COX10: variants seen among roughly 807,000 people sequenced by gnomAD.
The protein encoded by COX10 is protoheme IX farnesyltransferase, mitochondrial.
A neutral mutation model predicts 37.3 loss-of-function variants in COX10; 27 were observed. The observed-to-expected ratio is 0.72, with a 90% CI of 0.53 to 1.00. The LOEUF is 1.00. COX10 is among the 50% of genes least tolerant of loss of function. The pLI is 0.00. For missense variants in COX10, 475 were observed against 563.2 expected, an observed-to-expected ratio of 0.84 and a Z score of 1.59; for synonymous variants, 222 against 229.1, an observed-to-expected ratio of 0.97 and a Z score of 0.28.
In COX10 at chr17:14,206,941, C is replaced by T. The variant is rs763980332; in HGVS notation, c.1060C>T (p.Arg354Trp). 20 of 1,613,542 alleles carry T rather than the reference C, an allele frequency of 1.2e-5. No individual in the cohort carries two copies. The highest frequency in any genetic ancestry group is 3.3e-5 in the Admixed American group (2 of 59,966). The change falls in exon 7 of 7, where the codon CGG becomes TGG. Residue 354 changes from arginine to tryptophan, a missense_variant. Arg to Trp is a moderately radical substitution (Grantham distance 101, BLOSUM62 -3). Around this residue, in one of 5 missense-constraint regions of COX10, gnomAD observed 160 missense variants for 180.6 expected, o/e 0.89. Transcript: ENST00000261643. ...GTCGGTCACCCACCCGGGCCTGTGC[C>T]GGCGCGTGGCGCTGCGCCACTGCCT... ...MMSVTHPGLC[R>W]RVALRHCLAL...
intron 4 of COX10, among the ~76,000 whole-genome samples, chr17:14,108,045 A>G (rs1915935401): frequency 6.6e-6 from 1 of 152,176 alleles, no homozygotes; most frequent in Admixed American, 6.6e-5. Context: ...GTATTGCTGT[A>G]TAGTTATTCA....
intron 3 of COX10, among the ~76,000 whole-genome samples, chr17:14,095,744 G>T (rs1713161526): frequency 6.6e-6 from 1 of 152,174 alleles, no homozygotes; most frequent in African/African-American, 2.4e-5. Flanking sequence ...GTTGTTGGTA[G>T]AATTCATTTC....
Position 14,192,157 on chromosome 17 carries a change from A to G in COX10, c.864A>G (p.Gly288=), listed in dbSNP as rs1278237040. 3.1e-6 allele frequency: 5 copies of G among 1,614,090 alleles called. No individual in the cohort carries two copies. Among genetic ancestry groups the G allele is most frequent in the Non-Finnish European group, 4.2e-6 (5 of 1,180,044 alleles). The change falls in exon 6 of 7, where the codon GGA becomes GGG. Residue 288 remains glycine (G), a synonymous_variant. Coordinates refer to ENST00000261643, the MANE Select transcript of COX10 (RefSeq NM_001303.4). ...TCAGCATTGCCAACACATGGGTCGG[A>G]GCTGTGGTTGGGGCCATCCCGCCTG... ...KRISIANTWV[G]AVVGAIPPVM...
chr17:14,159,285 A>G (rs1290703024), intron 4 of COX10, among the ~76,000 whole-genome samples: 1 of 152,214 alleles, frequency 6.6e-6, no homozygotes, highest in Non-Finnish European at 1.5e-5. Context: ...TCAGTAGCCC[A>G]TTCCCCAGGG....
chr17:14,103,986 G>C (rs1915838978), intron 4 of COX10, among the ~76,000 whole-genome samples: 2 of 152,224 alleles, frequency 1.3e-5, no homozygotes, highest in South Asian at 4.1e-4. Context: ...TGGTTTTCCA[G>C]CCCTGCTCCG....
At chr17:14,106,643 C>T (rs1318751744) in intron 4 of COX10, among the ~76,000 whole-genome samples, 5 of 152,152 alleles carry the variant, frequency 3.3e-5, no homozygotes, top group African/African-American at 1.2e-4. Context: ...AAGTGCTCAT[C>T]ATTAATGCCG....
chr17:14,203,979 G>A (rs749917219), intron 6 of COX10, among the ~76,000 whole-genome samples: 1 of 152,102 alleles, frequency 6.6e-6, no homozygotes, highest in African/African-American at 2.4e-5. Context: ...CCAGAGGAGG[G>A]GAAGGAGAAG....
intron 5 of COX10, chr17:14,181,938 C>T: frequency 1.1e-6 from 1 of 950,254 alleles, no homozygotes; most frequent in Non-Finnish European, 1.3e-6. Flanking sequence ...CCACGTACTC[C>T]CCTCTGAATA....
At position 14,155,333 on chromosome 17, in the gene COX10, A is replaced by G. The variant is rs867956336; in HGVS notation, c.625-4544A>G. Among the ~76,000 whole-genome samples the G allele has an allele frequency of 8.3e-3, 1,229 of 148,932 alleles. 13 individuals are homozygous for G. Among genetic ancestry groups the G allele is most frequent in the Middle Eastern group, 0.032 (9 of 284 alleles). ...TGTGATGTTAAAACATCTACATAAA[A>G]AAAAAAAAAAAAACAGCAATCAAGT... On this transcript the variant is annotated intron_variant, in intron 4 of 6. Transcript: ENST00000261643.
intron 4 of COX10, among the ~76,000 whole-genome samples, chr17:14,138,650 G>T (rs1904450780): frequency 6.6e-6 from 1 of 152,128 alleles, no homozygotes; most frequent in Admixed American, 6.6e-5. Flanking sequence ...TGGACGTATG[G>T]TATTCAGACT....
At chr17:14,113,473 G>C (rs1916049156) in intron 4 of COX10, among the ~76,000 whole-genome samples, 1 of 152,070 alleles carries the variant, frequency 6.6e-6, no homozygotes, top group African/African-American at 2.4e-5. Context: ...GCTTTTTTCT[G>C]AAAACGGAAT....
chr17:14,099,938 C>G (rs1386797990), intron 3 of COX10, among the ~76,000 whole-genome samples: 1 of 152,162 alleles, frequency 6.6e-6, no homozygotes, highest in South Asian at 2.1e-4. Context: ...TCATTCCTTT[C>G]CATGTCACCC....
intron 4 of COX10, among the ~76,000 whole-genome samples, chr17:14,127,934 TG>T (rs1450825674): frequency 5.9e-5 from 6 of 102,294 alleles, no homozygotes; most frequent in African/African-American, 2.0e-4. Context: ...TGTATGTGTG[TG>T]TGTGTGTGTG....
chr17:14,196,800 C>G, intron 6 of COX10, among the ~76,000 whole-genome samples: 1 of 152,310 alleles, frequency 6.6e-6, no homozygotes, highest in Middle Eastern at 3.4e-3. Context: ...CCCACACTCT[C>G]TTTGCCCTCC....
chr17:14,118,258 AG>A (rs1229660710), intron 4 of COX10, among the ~76,000 whole-genome samples: 1 of 152,058 alleles, frequency 6.6e-6, no homozygotes. Context: ...CTGAGGGTAG[AG>A]CCCTCACCAA....
chr17:14,187,423 C>CAAAAAATATATTTA (rs1555540917), intron 5 of COX10, among the ~76,000 whole-genome samples: 10 of 151,894 alleles, frequency 6.6e-5, no homozygotes, highest in Admixed American at 3.9e-4. Flanking sequence ...GATGTTGATG[C>CAAAAAATATATTTA]AAAAAATATA....
chr17:14,152,936 C>T (rs1904945853), intron 4 of COX10, among the ~76,000 whole-genome samples: 1 of 152,202 alleles, frequency 6.6e-6, no homozygotes, highest in Admixed American at 6.5e-5. Flanking sequence ...TGTGAGCCAA[C>T]AGATTCACAA....
chr17:14,130,725 C>T (rs1173988226), intron 4 of COX10, among the ~76,000 whole-genome samples: 1 of 151,986 alleles, frequency 6.6e-6, no homozygotes, highest in African/African-American at 2.4e-5. Flanking sequence ...TTTCCATGGC[C>T]ATCTTCCTCA....
chr17:14,160,601 A>G (rs1036106592), intron 5 of COX10, among the ~76,000 whole-genome samples: 1 of 152,228 alleles, frequency 6.6e-6, no homozygotes, highest in East Asian at 1.9e-4. Context: ...GTTTCCAGGC[A>G]ATGCCCTCAT....
Sources: gnomAD v4.1 joint callset for allele counts (sites outside exome capture counted in the v4.1 genomes callset) on GRCh38, gnomAD v4.1.1 for gene constraint, gnomAD v4.1.1 regional missense constraint, MANE v1.5 for transcripts, NCBI Gene and HGNC (gene_info 2026-07-23, HGNC 2026-07-21) for gene names.